Variants in ITGA2 observed in about 807,000 individuals in gnomAD.
ITGA2 encodes integrin subunit alpha 2, also known as integrin alpha-2.
Under a neutral mutation model 146.3 loss-of-function variants are expected in ITGA2, and 101 were observed. That is an observed-to-expected ratio of 0.69 (90% CI 0.59 to 0.81). The LOEUF (loss-of-function observed/expected upper bound fraction) is 0.81, where lower values mean the gene tolerates loss of function less well. Among genes scored for constraint, ITGA2 ranks in the 40% least tolerant of loss-of-function variants. The pLI is 0.00. For synonymous variants in ITGA2, 477 were observed against 487.1 expected (o/e 0.98, Z 0.27); for missense variants, 1,281 against 1,402.7 (o/e 0.91, Z 1.39).
chr5:53,002,208 C>A (rs1482576459), intron 1 of ITGA2, among the ~76,000 whole-genome samples: 2 of 152,002 alleles, frequency 1.3e-5, no homozygotes, highest in Middle Eastern at 3.4e-3. Context: ...ACATTTTTGA[C>A]CAATAAATTC....
chr5:53,079,824 A>T (rs903718359), intron 24 of ITGA2, among the ~76,000 whole-genome samples: 1 of 152,094 alleles, frequency 6.6e-6, no homozygotes, highest in Admixed American at 6.6e-5. Flanking sequence ...TACATATGTT[A>T]TCCCATTTAG....
intron 1 of ITGA2, among the ~76,000 whole-genome samples, chr5:53,008,839 C>T (rs1741982611): frequency 6.6e-6 from 1 of 152,074 alleles, no homozygotes; most frequent in African/African-American, 2.4e-5. Flanking sequence ...GATTTTGACC[C>T]TAGGTACAGT....
At chr5:52,999,345 T>C (rs1468033199) in intron 1 of ITGA2, among the ~76,000 whole-genome samples, 1 of 152,194 alleles carries the variant, frequency 6.6e-6, no homozygotes, top group Non-Finnish European at 1.5e-5. Context: ...TTGTAAAATG[T>C]AACATACATG....
chr5:53,080,935 A>C (rs1284831555), intron 25 of ITGA2, among the ~76,000 whole-genome samples: 2 of 152,160 alleles, frequency 1.3e-5, no homozygotes, highest in Admixed American at 6.5e-5. Context: ...GGAGCATAGC[A>C]GGTCTTCACA....
intron 3 of ITGA2, among the ~76,000 whole-genome samples, chr5:53,043,011 A>G (rs957808823): frequency 6.6e-6 from 1 of 152,164 alleles, no homozygotes; most frequent in African/African-American, 2.4e-5. Flanking sequence ...TAGACCTAAT[A>G]TCTAGAATAA....
chr5:53,012,004 T>C (rs923121542), intron 1 of ITGA2, among the ~76,000 whole-genome samples: 7 of 152,154 alleles, frequency 4.6e-5, no homozygotes, highest in African/African-American at 1.4e-4. Flanking sequence ...AAAGAAATTG[T>C]CATGGTTATA....
intron 1 of ITGA2, among the ~76,000 whole-genome samples, chr5:53,019,215 A>T (rs982062790): frequency 3.9e-5 from 6 of 152,236 alleles, no homozygotes; most frequent in Non-Finnish European, 8.8e-5. Context: ...ACCACAAAGG[A>T]TAAAAGAAGT....
intron 1 of ITGA2, chr5:52,990,221 G>A (rs1206163838): frequency 6.6e-6 from 1 of 152,632 alleles, no homozygotes; most frequent in African/African-American, 2.4e-5. Context: ...TCTATTCGAC[G>A]AATGTAAACT....
intron 24 of ITGA2, among the ~76,000 whole-genome samples, 185 bp downstream of exon 24, chr5:53,079,059 T>C (rs1745789883): frequency 6.6e-6 from 1 of 152,188 alleles, no homozygotes; most frequent in Admixed American, 6.5e-5. Flanking sequence ...TCTCCAGCGT[T>C]TCTGATTCAG....
intron 1 of ITGA2, among the ~76,000 whole-genome samples, chr5:53,009,996 A>G (rs978117225): frequency 6.6e-6 from 1 of 152,178 alleles, no homozygotes; most frequent in Admixed American, 6.6e-5. Context: ...CACTCATATT[A>G]GGAGTTTCAC....
intron 27 of ITGA2, among the ~76,000 whole-genome samples, 190 bp from the exon 28 acceptor site, chr5:53,086,762 C>T (rs1746175679): frequency 6.6e-6 from 1 of 152,128 alleles, no homozygotes; most frequent in African/African-American, 2.4e-5. Context: ...TAAAATTACC[C>T]GAGGTATTTC....
At chr5:53,045,913 G>T (rs3212465) in intron 4 of ITGA2, among the ~76,000 whole-genome samples, 39,427 of 151,682 alleles carry the variant, frequency 0.26, 5,756 homozygotes, top group South Asian at 0.33. Flanking sequence ...TAGAGAGGTT[G>T]GGCGCGGTGG....
At chr5:53,063,054 A>C in intron 13 of ITGA2, 125 bp downstream of exon 13, 1 of 817,154 alleles carries the variant, frequency 1.2e-6, no homozygotes, top group Admixed American at 2.6e-5. Flanking sequence ...TTTACATTTC[A>C]TCATTTTTGA....
intron 1 of ITGA2, among the ~76,000 whole-genome samples, chr5:53,016,142 T>C (rs1742390600): frequency 6.6e-6 from 1 of 152,216 alleles, no homozygotes; most frequent in African/African-American, 2.4e-5. Context: ...TAGCTGATTG[T>C]TATACAGACT....
intron 1 of ITGA2, among the ~76,000 whole-genome samples, chr5:53,001,806 C>T (rs1237201486): frequency 1.4e-5 from 2 of 138,354 alleles, no homozygotes; most frequent in Non-Finnish European, 3.1e-5. Context: ...CAGAACAAGG[C>T]CCTTTCTAAA....
chr5:53,061,111 T>A, intron 12 of ITGA2, 65 bp downstream of exon 12: 1 of 1,517,806 alleles, frequency 6.6e-7, no homozygotes, highest in Non-Finnish European at 9.1e-7. Flanking sequence ...GGGAGTCAGG[T>A]GAACAGAAAT....
intron 1 of ITGA2, among the ~76,000 whole-genome samples, chr5:53,021,590 T>C (rs1742686187): frequency 6.6e-6 from 1 of 152,224 alleles, no homozygotes; most frequent in Non-Finnish European, 1.5e-5. Flanking sequence ...CGGCATGCTC[T>C]AGTTGCTCAC....
In ITGA2 at chr5:53,071,962, T is replaced by C. The variant is rs567590959; in HGVS notation, c.2260T>C (p.Leu754=). 14 of 1,612,198 alleles carry C rather than the reference T, an allele frequency of 8.7e-6. No homozygotes were observed. Among genetic ancestry groups the C allele is most frequent in the Non-Finnish European group, 1.2e-5 (14 of 1,178,872 alleles). ...IQEPSDVVNS[L]DLRVDISLEN... ...GGAGCCCTCTGATGTTGTCAACTCT[T>C]TGGATTTGCGTGTGGACATCAGTCT... The change falls in exon 18 of 30, where the codon TTG becomes CTG. Residue 754 remains leucine, a synonymous_variant. Coordinates refer to ENST00000296585, the MANE Select transcript of ITGA2 (RefSeq NM_002203.4).
At chr5:53,075,353 C>A in intron 23 of ITGA2, 49 bp downstream of exon 23, 1 of 1,484,132 alleles carries the variant, frequency 6.7e-7, no homozygotes, top group Non-Finnish European at 9.4e-7. Flanking sequence ...AACTCTAGAT[C>A]AGAAGATTTT....
Sources: gnomAD v4.1 joint callset for allele counts (sites outside exome capture counted in the v4.1 genomes callset) on GRCh38, gnomAD v4.1.1 for gene constraint, MANE v1.5 for transcripts, NCBI Gene and HGNC (gene_info 2026-07-23, HGNC 2026-07-21) for gene names.